The following GMDS variants were observed in gnomAD, a reference collection of about 807,000 sequenced individuals.
GMDS encodes the protein GDP-mannose 4,6 dehydratase.
A neutral mutation model predicts 49.9 loss-of-function variants in GMDS; 20 were observed. That is an observed-to-expected ratio of 0.40 (90% CI 0.28 to 0.58). GMDS has a LOEUF of 0.58. Among genes scored for constraint, GMDS ranks in the 20% least tolerant of loss-of-function variants. GMDS has a pLI of 0.42. For missense variants in GMDS, 362 were observed against 481.4 expected, an observed-to-expected ratio of 0.75 and a Z score of 2.32; for synonymous variants, 177 against 178.6, an observed-to-expected ratio of 0.99 and a Z score of 0.07.
chr6:2,047,524 T>C (rs1770093976), intron 4 of GMDS, among the ~76,000 whole-genome samples: 2 of 152,202 alleles, frequency 1.3e-5, no homozygotes, highest in African/African-American at 4.8e-5. Context: ...TTCGCTCTTG[T>C]TGCCCAGGCT....
intron 7 of GMDS, among the ~76,000 whole-genome samples, chr6:1,891,309 T>C (rs1759857035): frequency 1.3e-5 from 2 of 152,218 alleles, no homozygotes; most frequent in Admixed American, 6.5e-5. Flanking sequence ...ATGGGCATAC[T>C]GTGCTGTCCA....
At chr6:2,022,134 T>C (rs1327880211) in intron 4 of GMDS, among the ~76,000 whole-genome samples, 2 of 152,022 alleles carry the variant, frequency 1.3e-5, no homozygotes, top group African/African-American at 4.8e-5. Context: ...TCTTATAAGC[T>C]GTACCAAAAG....
chr6:1,918,554 T>C (rs1761533523), intron 7 of GMDS, among the ~76,000 whole-genome samples: 1 of 151,780 alleles, frequency 6.6e-6, no homozygotes, highest in Non-Finnish European at 1.5e-5. Context: ...AAGACCAGCC[T>C]GGGCAACATA....
rs556566309 is a variant in GMDS at position 1,647,633 on chromosome 6, T to G, written c.988-23093A>C. On this transcript the variant is annotated intron_variant, in intron 9 of 10. Coordinates refer to ENST00000380815, the MANE Select transcript of GMDS (RefSeq NM_001500.4). ...ATATGCCAGTAACTGCCATGTAGTG[T>G]GACAAGACACTGACTTAGTTCCTGG... is the stretch of plus-strand genomic sequence containing the variant. Among the ~76,000 whole-genome samples, 62 of 152,150 alleles carry G rather than the reference T, an allele frequency of 4.1e-4. No homozygotes were observed. The East Asian group carries it at 0.011, about 27-fold the overall frequency.
intron 9 of GMDS, among the ~76,000 whole-genome samples, chr6:1,719,791 G>A (rs1561754987): frequency 6.6e-6 from 1 of 152,196 alleles, no homozygotes. Context: ...TAGAAGTTGA[G>A]CTCAACAACT....
chr6:2,204,673 G>C (rs1288409539), intron 1 of GMDS, among the ~76,000 whole-genome samples: 4 of 152,222 alleles, frequency 2.6e-5, no homozygotes, highest in Non-Finnish European at 4.4e-5. Flanking sequence ...AGATGGTGCA[G>C]AACGGAGCAT....
intron 7 of GMDS, among the ~76,000 whole-genome samples, chr6:1,900,458 T>C (rs547574631): frequency 2.0e-5 from 3 of 152,312 alleles, no homozygotes; most frequent in Admixed American, 2.0e-4. Flanking sequence ...TTTATTACGA[T>C]TAAAAATGTG....
At chr6:2,059,068 T>C (rs1361590660) in intron 4 of GMDS, among the ~76,000 whole-genome samples, 1 of 149,252 alleles carries the variant, frequency 6.7e-6, no homozygotes, top group Non-Finnish European at 1.5e-5. Flanking sequence ...CCCAGCTACT[T>C]GGAAGGCTAA....
chr6:2,043,648 G>A (rs927454330), intron 4 of GMDS, among the ~76,000 whole-genome samples: 4 of 152,172 alleles, frequency 2.6e-5, no homozygotes, highest in Non-Finnish European at 5.9e-5. Context: ...GAAAGTGCAC[G>A]TGATACTCAC....
chr6:1,935,275 T>C (rs570806604), intron 6 of GMDS, among the ~76,000 whole-genome samples: 1 of 152,280 alleles, frequency 6.6e-6, no homozygotes, highest in South Asian at 2.1e-4. Flanking sequence ...CCATGCCAAA[T>C]CACTGGGTAC....
In GMDS at chr6:1,732,832, AGAG is replaced by A. The variant is rs556323724; in HGVS notation, c.891-6323_891-6321del. 8.5e-5 allele frequency among the ~76,000 whole-genome samples: 13 copies of A among 152,338 alleles called. No individual in the cohort carries two copies. In the South Asian group the frequency reaches 2.5e-3, roughly 29 times the overall value. ...TTGTGAGAACTCCTGTAGAATGATT[AGAG>A]GACTAGGGTGCTGGGGTAACTGGAC... is the stretch of plus-strand genomic sequence containing the variant. On this transcript the variant is annotated intron_variant, in intron 8 of 10. Transcript: ENST00000380815.
At chr6:1,795,195 G>A (rs780257853) in intron 7 of GMDS, among the ~76,000 whole-genome samples, 19 of 152,260 alleles carry the variant, frequency 1.2e-4, no homozygotes, top group Non-Finnish European at 1.6e-4. Flanking sequence ...GTCAGACTCC[G>A]TCTCAAAAAT....
intron 1 of GMDS, among the ~76,000 whole-genome samples, chr6:2,166,134 C>T (rs961768094): frequency 4.6e-5 from 7 of 152,172 alleles, no homozygotes; most frequent in Non-Finnish European, 8.8e-5. Context: ...TGAGCATTCA[C>T]GTTAACACTC....
chr6:1,842,112 G>A (rs1757176676), intron 7 of GMDS, among the ~76,000 whole-genome samples: 1 of 152,110 alleles, frequency 6.6e-6, no homozygotes, highest in Non-Finnish European at 1.5e-5. Context: ...TCCCACTTCT[G>A]AACTTTCTGT....
At chr6:1,713,663 C>T (rs1325836478) in intron 9 of GMDS, among the ~76,000 whole-genome samples, 4 of 152,192 alleles carry the variant, frequency 2.6e-5, no homozygotes, top group Non-Finnish European at 5.9e-5. Context: ...TACAGTTGTG[C>T]CAAACTGCAT....
intron 4 of GMDS, among the ~76,000 whole-genome samples, chr6:2,025,360 GTGTGTGTGT>G (rs1561985344): frequency 0.018 from 14 of 788 alleles, no homozygotes; most frequent in South Asian, 0.12. Context: ...ATGGTGGGGT[GTGTGTGTGT>G]GTGTGTGTGT....
intron 7 of GMDS, among the ~76,000 whole-genome samples, chr6:1,834,515 C>A (rs1329741231): frequency 6.6e-6 from 1 of 152,108 alleles, no homozygotes; most frequent in African/African-American, 2.4e-5. Context: ...CAAAACACAA[C>A]AAAATCCTTT....
chr6:1,707,330 A>G (rs1016946683), intron 9 of GMDS, among the ~76,000 whole-genome samples: 7 of 152,220 alleles, frequency 4.6e-5, no homozygotes, highest in African/African-American at 2.4e-5. Context: ...AAAAATATCT[A>G]TCTGTTGATC....
rs556442404 is a variant in GMDS at position 2,169,915 on chromosome 6, G to C, written c.103-45184C>G. ...TGCTATCTGGTGGTATATTAGAAAAGAGGACTGGCTGGGCGCGGTGGCTCA... is the reference window on the plus strand; with the variant it reads ...TGCTATCTGGTGGTATATTAGAAAACAGGACTGGCTGGGCGCGGTGGCTCA... On this transcript the variant is annotated intron_variant, in intron 1 of 10. Coordinates refer to ENST00000380815, the MANE Select transcript of GMDS (RefSeq NM_001500.4). Among the ~76,000 whole-genome samples, 75 of 151,838 alleles carry C rather than the reference G, an allele frequency of 4.9e-4. 1 individual carries two copies. Among genetic ancestry groups the C allele is most frequent in the African/African-American group, 1.6e-3 (68 of 41,428 alleles).
Sources: allele counts gnomAD v4.1 joint callset (sites outside exome capture counted in the v4.1 genomes callset), GRCh38; gene constraint gnomAD v4.1.1; transcripts MANE v1.5; gene names NCBI Gene and HGNC (gene_info 2026-07-23, HGNC 2026-07-21).